The following CLEC12A variants were observed in gnomAD, a reference collection of about 807,000 sequenced individuals.
CLEC12A encodes the protein C-type lectin domain family 12 member A.
Under a neutral mutation model 26.5 loss-of-function variants are expected in CLEC12A, and 22 were observed. That is an observed-to-expected ratio of 0.83 (90% CI 0.59 to 1.19). The LOEUF (loss-of-function observed/expected upper bound fraction) is 1.19, where lower values mean the gene tolerates loss of function less well. Among genes scored for constraint, CLEC12A ranks in the 50% most tolerant of loss-of-function variants. CLEC12A has a pLI of 0.00. For synonymous variants in CLEC12A, 119 were observed against 101.9 expected, an observed-to-expected ratio of 1.17 and a Z score of -1.01; for missense variants, 353 against 315.6, an observed-to-expected ratio of 1.12 and a Z score of -0.90.
At chr12:9,962,853 C>T (rs1388347160) in intron 1 of CLEC12A, among the ~76,000 whole-genome samples, 2 of 152,074 alleles carry the variant, frequency 1.3e-5, no homozygotes, top group Admixed American at 6.6e-5. Flanking sequence ...ATTCCTGTCT[C>T]CTTATATTAA....
At chr12:9,955,483 A>G (rs1265998312) in intron 1 of CLEC12A, among the ~76,000 whole-genome samples, 2 of 152,218 alleles carry the variant, frequency 1.3e-5, no homozygotes, top group Non-Finnish European at 2.9e-5. Context: ...CTCTTTTCTC[A>G]TAAGTAATAT....
intron 1 of CLEC12A, among the ~76,000 whole-genome samples, chr12:9,965,733 G>A (rs1201016687): frequency 6.6e-6 from 1 of 151,974 alleles, no homozygotes; most frequent in Non-Finnish European, 1.5e-5. Flanking sequence ...TGTAAGGGGA[G>A]TTTATAGGCT....
At chr12:10,002,669 C>T in the CLEC12A span, among the ~76,000 whole-genome samples, 6 of 152,146 alleles carry the variant, frequency 3.9e-5, no homozygotes, top group African/African-American at 1.4e-4. Context: ...ATCTCGATCT[C>T]CTGACCTCGT....
chr12:9,964,260 C>T lies in CLEC12A; in HGVS notation c.11-7317C>T, dbSNP rs188184197. Among the ~76,000 whole-genome samples, 3 of 152,154 alleles carry T rather than the reference C, an allele frequency of 2.0e-5. No homozygotes were observed. In the East Asian group the frequency reaches 5.8e-4, roughly 29 times the overall value. On this transcript the variant is annotated intron_variant, in intron 1 of 6. Coordinates refer to the CLEC12A transcript ENST00000355690. ...TTCATCAGGAGGGTAAAGGTGAGGGCTGTTAAAGGAAGTTTGGAGGTGTAG... is the reference window on the plus strand; with the variant it reads ...TTCATCAGGAGGGTAAAGGTGAGGGTTGTTAAAGGAAGTTTGGAGGTGTAG...
intron 1 of CLEC12A, among the ~76,000 whole-genome samples, chr12:9,965,004 A>G (rs1172582968): frequency 6.6e-6 from 1 of 152,102 alleles, no homozygotes; most frequent in African/African-American, 2.4e-5. Context: ...ACAAAAAGGG[A>G]GTGTAGCTGA....
intron 4 of CLEC12A, among the ~76,000 whole-genome samples, chr12:9,981,037 T>G (rs1457064875): frequency 6.6e-6 from 1 of 152,126 alleles, no homozygotes; most frequent in Non-Finnish European, 1.5e-5. Context: ...TTATAAACAT[T>G]TATCTAAAAA....
downstream of CLEC12A, chr12:9,999,152 T>C (rs757370241): frequency 8.2e-7 from 1 of 1,219,110 alleles, no homozygotes; most frequent in South Asian, 1.3e-5. Context: ...TTGCAAAATG[T>C]AGTTTCCAAC....
At chr12:9,988,137 C>G (rs985705939), downstream of CLEC12A, among the ~76,000 whole-genome samples, 26 of 152,124 alleles carry the variant, frequency 1.7e-4, no homozygotes, top group Admixed American at 1.6e-3. Context: ...CCACCCAAAT[C>G]TAATCTTGAA....
At chr12:9,983,572 G>T in intron 5 of CLEC12A, 1 of 689,652 alleles carries the variant, frequency 1.5e-6, no homozygotes, top group South Asian at 1.5e-5. Context: ...CAACCTGCTG[G>T]ACACTATTGG....
downstream of CLEC12A, chr12:9,985,876 G>A (rs602320): frequency 0.15 from 25,978 of 170,058 alleles, 2,275 homozygotes; most frequent in South Asian, 0.34. Context: ...ACACATAATC[G>A]TTTAGAAAGC....
chr12:10,003,342 A>G, the CLEC12A span, among the ~76,000 whole-genome samples: 2 of 152,230 alleles, frequency 1.3e-5, no homozygotes, highest in Non-Finnish European at 2.9e-5. Context: ...TCCGACCAAA[A>G]TTACAGCAGA....
the CLEC12A span, among the ~76,000 whole-genome samples, chr12:10,004,182 C>G: frequency 6.6e-6 from 1 of 152,128 alleles, no homozygotes; most frequent in Non-Finnish European, 1.5e-5. Flanking sequence ...TGCCTGGAAC[C>G]CCAGTGTTAC....
chr12:9,993,396 G>GA (rs1210022004), intron 4 of CLEC12A: 1,949 of 306,932 alleles, frequency 6.3e-3, no homozygotes, highest in Non-Finnish European at 6.8e-3. Flanking sequence ...AGGAAAATAG[G>GA]AAAAAAAAAC....
chr12:9,992,930 T>G lies in CLEC12A; in HGVS notation n.1005-2088T>G, dbSNP rs565594907. ...AAGAAGAAAGAAAATTAAAGGAAAA[T>G]AGAACAATTGGGAAGCAAATGATAA... On this transcript the variant is annotated intron_variant and non_coding_transcript_variant, in intron 4 of 4. Coordinates refer to the CLEC12A transcript ENST00000449959. 1.7e-4 allele frequency: 76 copies of G among 457,916 alleles called. 1 individual carries two copies. In the South Asian group the frequency reaches 3.3e-3, roughly 20 times the overall value. The allele number at this position is 457,916 out of a possible 1,614,324, so 28.4% of individuals were successfully genotyped here. A position where few individuals can be genotyped will look rare whatever the true frequency, so the allele number is the denominator to read the frequency against.
chr12:9,994,989 T>C, intron 4 of CLEC12A: 1 of 1,538,244 alleles, frequency 6.5e-7, no homozygotes, highest in Non-Finnish European at 8.8e-7. Context: ...AGAATTGTCT[T>C]ATGACCAGCG....
At chr12:9,957,424 G>T (rs1863759901) in intron 1 of CLEC12A, among the ~76,000 whole-genome samples, 1 of 149,876 alleles carries the variant, frequency 6.7e-6, no homozygotes, top group Non-Finnish European at 1.5e-5. Flanking sequence ...GGAGACAGAG[G>T]TTGCAGTGAG....
At chr12:9,973,284 T>C (rs1201391866) in intron 1 of CLEC12A, among the ~76,000 whole-genome samples, 4 of 151,616 alleles carry the variant, frequency 2.6e-5, no homozygotes, top group Non-Finnish European at 5.9e-5. Flanking sequence ...AAAGTAGAGA[T>C]ATGCCATGTC....
upstream of CLEC12A, among the ~76,000 whole-genome samples, chr12:9,968,683 G>C (rs189978186): frequency 6.6e-6 from 1 of 152,124 alleles, no homozygotes; most frequent in Non-Finnish European, 1.5e-5. Context: ...GGGCTCAGAG[G>C]CCTGACAATA....
chr12:10,000,023 C>T (rs188192095), downstream of CLEC12A, among the ~76,000 whole-genome samples: 99 of 152,314 alleles, frequency 6.5e-4, no homozygotes, highest in Admixed American at 1.4e-3. Flanking sequence ...CCATACAAAG[C>T]TAGCTGATGC....
Sources: gnomAD v4.1 joint callset for allele counts (sites outside exome capture counted in the v4.1 genomes callset) on GRCh38, gnomAD v4.1.1 for gene constraint, MANE v1.5 for transcripts, NCBI Gene and HGNC (gene_info 2026-07-23, HGNC 2026-07-21) for gene names.